TENM2: variants seen among roughly 807,000 people sequenced by gnomAD.
TENM2 encodes teneurin transmembrane protein 2.
Under a neutral mutation model 245.2 loss-of-function variants are expected in TENM2, and 52 were observed. That is an observed-to-expected ratio of 0.21 (90% CI 0.17 to 0.27). TENM2 has a LOEUF of 0.27. Ranked by LOEUF, TENM2 falls within the 10% of genes least tolerant of loss-of-function variation. The probability of loss-of-function intolerance (pLI) is 1.00; values close to 1 mark genes in which losing one functional copy is unlikely to be tolerated. For synonymous variants in TENM2, 1,363 were observed against 1,438.9 expected, an observed-to-expected ratio of 0.95 and a Z score of 1.19; for missense variants, 3,046 against 3,666.8, an observed-to-expected ratio of 0.83 and a Z score of 4.37.
chr5:167,516,932 C>A (rs1770421731), intron 2 of TENM2, among the ~76,000 whole-genome samples: 1 of 152,208 alleles, frequency 6.6e-6, no homozygotes, highest in Non-Finnish European at 1.5e-5. Flanking sequence ...ATTTTTGACA[C>A]TTTAAATTTT....
chr5:167,994,743 T>C (rs1197943165), intron 5 of TENM2, among the ~76,000 whole-genome samples: 2 of 152,176 alleles, frequency 1.3e-5, no homozygotes, highest in Non-Finnish European at 2.9e-5. Flanking sequence ...ACCACAGCTG[T>C]ACACGGGAAC....
chr5:167,214,270 A>G, the TENM2 span, among the ~76,000 whole-genome samples: 1 of 152,216 alleles, frequency 6.6e-6, no homozygotes, highest in Admixed American at 6.5e-5. Flanking sequence ...GGCTGAAGTC[A>G]AGTAACTCAT....
At chr5:167,921,127 A>G (rs967679479) in intron 3 of TENM2, among the ~76,000 whole-genome samples, 5 of 152,258 alleles carry the variant, frequency 3.3e-5, no homozygotes, top group African/African-American at 1.2e-4. Flanking sequence ...TCACCATAAT[A>G]TTAAAAATTA....
At chr5:167,542,706 C>T (rs1037072990) in intron 2 of TENM2, among the ~76,000 whole-genome samples, 1 of 152,084 alleles carries the variant, frequency 6.6e-6, no homozygotes, top group African/African-American at 2.4e-5. Context: ...AGAACTTTAC[C>T]TTTGCCAACC....
the TENM2 span, among the ~76,000 whole-genome samples, chr5:167,105,981 A>G: frequency 2.3e-3 from 337 of 146,528 alleles, 3 homozygotes; most frequent in African/African-American, 8.1e-3. Flanking sequence ...AATGTGAAGT[A>G]TTATAATATG....
At chr5:167,117,512 T>A in the TENM2 span, among the ~76,000 whole-genome samples, 8 of 151,624 alleles carry the variant, frequency 5.3e-5, no homozygotes, top group African/African-American at 9.7e-5. Flanking sequence ...CAAAAAAAAA[T>A]AATAATAAAT....
intron 26 of TENM2, 32 bp from the exon 29 acceptor site, chr5:168,246,724 CT>C: frequency 6.3e-7 from 1 of 1,588,130 alleles, no homozygotes; most frequent in Non-Finnish European, 8.6e-7. Flanking sequence ...CAAAAGCCAA[CT>C]GATATGTTCT....
the TENM2 span, among the ~76,000 whole-genome samples, chr5:167,053,143 AG>A: frequency 2.6e-4 from 39 of 152,240 alleles, no homozygotes; most frequent in Non-Finnish European, 5.1e-4. Flanking sequence ...TCATCTTTCA[AG>A]ACTTGGCCAT....
At chr5:168,223,259 T>TGTAA (rs1240795135) in intron 23 of TENM2, among the ~76,000 whole-genome samples, 1 of 152,140 alleles carries the variant, frequency 6.6e-6, no homozygotes, top group African/African-American at 2.4e-5. Context: ...GCCTATGCAT[T>TGTAA]GTAAGTGTCC....
intron 2 of TENM2, among the ~76,000 whole-genome samples, chr5:167,568,674 T>TGC (rs1203859922): frequency 6.6e-6 from 1 of 151,712 alleles, no homozygotes; most frequent in Non-Finnish European, 1.5e-5. Flanking sequence ...TGTGTGTGTG[T>TGC]GTGTGTGTAT....
chr5:167,159,460 A>G, the TENM2 span, among the ~76,000 whole-genome samples: 1 of 152,288 alleles, frequency 6.6e-6, no homozygotes, highest in East Asian at 1.9e-4. Flanking sequence ...GAAAAACGCA[A>G]GGAGAGTGAA....
chr5:167,337,461 A>C (rs1195061314), intron 1 of TENM2, among the ~76,000 whole-genome samples: 2 of 152,228 alleles, frequency 1.3e-5, no homozygotes, highest in Admixed American at 6.5e-5. Context: ...ATTCAAATAC[A>C]AGGAAGAGAC....
At chr5:167,404,751 C>T (rs1762539168) in intron 2 of TENM2, among the ~76,000 whole-genome samples, 1 of 152,132 alleles carries the variant, frequency 6.6e-6, no homozygotes, top group Non-Finnish European at 1.5e-5. Flanking sequence ...CATGTTCCTC[C>T]TGCGACTTAT....
At chr5:167,322,450 C>T (rs1356544779) in intron 1 of TENM2, among the ~76,000 whole-genome samples, 3 of 152,152 alleles carry the variant, frequency 2.0e-5, no homozygotes, top group Non-Finnish European at 4.4e-5. Context: ...TCAAATCCCA[C>T]TGCGTTGCTC....
chr5:167,598,041 A>C (rs1028365806), intron 2 of TENM2, among the ~76,000 whole-genome samples: 4 of 152,204 alleles, frequency 2.6e-5, no homozygotes, highest in African/African-American at 9.6e-5. Flanking sequence ...CCCTTCTTGG[A>C]GTCAGAGAGA....
intron 2 of TENM2, among the ~76,000 whole-genome samples, chr5:167,561,052 G>C (rs1359524126): frequency 2.0e-5 from 3 of 152,178 alleles, no homozygotes; most frequent in Non-Finnish European, 4.4e-5. Context: ...ATTATCCACA[G>C]AGGAACTGAG....
intron 2 of TENM2, among the ~76,000 whole-genome samples, chr5:167,782,587 G>A (rs1195968826): frequency 1.3e-5 from 2 of 152,050 alleles, no homozygotes; most frequent in African/African-American, 4.8e-5. Context: ...CCTTCAACCG[G>A]CTTTATTGTA....
Position 168,050,358 on chromosome 5 carries a change from C to T in TENM2, c.1309+2809C>T, listed in dbSNP as rs138492579. ...GAATTTGTATACCCAGTGACCTCCG[C>T]GCTCCCCATTCCCCAATTCTATACA... is the stretch of plus-strand genomic sequence containing the variant. On this transcript the variant is annotated intron_variant, in intron 6 of 28. Transcript: ENST00000518659. Among the ~76,000 whole-genome samples, 7 of 152,296 alleles carry T rather than the reference C, an allele frequency of 4.6e-5. No individual in the cohort carries two copies. The East Asian group carries it at 1.3e-3, about 29-fold the overall frequency.
intron 1 of TENM2, among the ~76,000 whole-genome samples, chr5:167,368,880 C>A (rs1275735615): frequency 6.6e-6 from 1 of 152,118 alleles, no homozygotes. Context: ...AGGTCCTCTT[C>A]TGATCATGGT....
Sources: allele counts gnomAD v4.1 joint callset (sites outside exome capture counted in the v4.1 genomes callset), GRCh38; gene constraint gnomAD v4.1.1; transcripts MANE v1.5; gene names NCBI Gene and HGNC (gene_info 2026-07-23, HGNC 2026-07-21).